The following AKAP13 variants were observed in gnomAD, a reference collection of about 807,000 sequenced individuals.
The protein encoded by AKAP13 is A-kinase anchor protein 13.
A neutral mutation model predicts 264.5 loss-of-function variants in AKAP13; 80 were observed. The ratio of observed to expected loss-of-function variants is 0.30; its 90% confidence interval spans 0.25 to 0.36. The LOEUF (loss-of-function observed/expected upper bound fraction) is 0.36, where lower values mean the gene tolerates loss of function less well. Among genes scored for constraint, AKAP13 ranks in the 10% least tolerant of loss-of-function variants. The pLI is 1.00. For synonymous variants in AKAP13, 1,380 were observed against 1,250.2 expected, an observed-to-expected ratio of 1.10 and a Z score of -2.19; for missense variants, 3,712 against 3,435.2, an observed-to-expected ratio of 1.08 and a Z score of -2.01.
At chr15:85,621,662 T>C (rs1450506064) in intron 8 of AKAP13, 1 of 152,208 alleles carries the variant, frequency 6.6e-6, no homozygotes, top group Non-Finnish European at 1.5e-5. Context: ...TACAGGCTTA[T>C]TGGCCTCAGA....
chr15:85,380,837 T>G (rs1454285558), intron 1 of AKAP13, 39 bp downstream of exon 1: 1 of 151,906 alleles, frequency 6.6e-6, no homozygotes, highest in East Asian at 1.9e-4. Context: ...GGGGGAAGTT[T>G]TGTGATTTGT....
intron 2 of AKAP13, among the ~76,000 whole-genome samples, chr15:85,502,337 A>G (rs1467364127): frequency 6.6e-6 from 1 of 152,210 alleles, no homozygotes; most frequent in Non-Finnish European, 1.5e-5. Context: ...TGACAGCAAT[A>G]TTTGGCAATT....
intron 1 of AKAP13, among the ~76,000 whole-genome samples, chr15:85,433,124 T>G (rs1198992179): frequency 8.6e-6 from 1 of 116,676 alleles, no homozygotes; most frequent in Non-Finnish European, 1.9e-5. Flanking sequence ...ACAGTTTTTT[T>G]TTTTTTTTTT....
chr15:85,527,603 T>C (rs2077114216), intron 3 of AKAP13, among the ~76,000 whole-genome samples: 1 of 152,242 alleles, frequency 6.6e-6, no homozygotes, highest in African/African-American at 2.4e-5. Flanking sequence ...AAATCTCTCC[T>C]TCCTCCTCTA....
chr15:85,462,791 G>A (rs1351461192), intron 1 of AKAP13, among the ~76,000 whole-genome samples: 3 of 151,934 alleles, frequency 2.0e-5, no homozygotes, highest in African/African-American at 4.8e-5. Context: ...TTGGGAGGCC[G>A]AGGCGGGCGG....
At chr15:85,650,043 A>C (rs1246624842) in intron 10 of AKAP13, among the ~76,000 whole-genome samples, 1 of 152,200 alleles carries the variant, frequency 6.6e-6, no homozygotes, top group African/African-American at 2.4e-5. Flanking sequence ...CCTAAAGGGA[A>C]CATCCTTCTT....
chr15:85,412,920 A>G (rs749716958), intron 1 of AKAP13, among the ~76,000 whole-genome samples: 1 of 152,234 alleles, frequency 6.6e-6, no homozygotes. Flanking sequence ...TGCAACGTAT[A>G]TATTACCTTA....
chr15:85,627,834 T>A (rs143758393), intron 8 of AKAP13: 1 of 152,408 alleles, frequency 6.6e-6, no homozygotes, highest in Non-Finnish European at 1.5e-5. Flanking sequence ...CGTGAAAGGC[T>A]ATGAAGTCCA....
intron 1 of AKAP13, among the ~76,000 whole-genome samples, chr15:85,434,609 C>T (rs1489924779): frequency 7.0e-4 from 105 of 150,922 alleles, no homozygotes; most frequent in East Asian, 7.8e-4. Context: ...TCTCCCAGCA[C>T]GCAGCTGGAG....
chr15:85,634,738 T>A (rs2151460046), intron 8 of AKAP13, among the ~76,000 whole-genome samples: 1 of 152,268 alleles, frequency 6.6e-6, no homozygotes, highest in East Asian at 1.9e-4. Flanking sequence ...AGTCTTCTCC[T>A]TCATTCTCTG....
chr15:85,678,718 A>T (rs1206590240), intron 14 of AKAP13, among the ~76,000 whole-genome samples: 1 of 151,936 alleles, frequency 6.6e-6, no homozygotes, highest in African/African-American at 2.4e-5. Flanking sequence ...CAAACAAACA[A>T]ATTAGCTGGG....
At chr15:85,519,951 C>T (rs971169426) in intron 2 of AKAP13, among the ~76,000 whole-genome samples, 4 of 152,106 alleles carry the variant, frequency 2.6e-5, no homozygotes, top group African/African-American at 4.8e-5. Context: ...TGAGAATTTA[C>T]TCCCCTAATT....
intron 10 of AKAP13, among the ~76,000 whole-genome samples, chr15:85,650,788 A>AAAC (rs1555455271): frequency 0.019 from 2,339 of 124,748 alleles, 16 homozygotes; most frequent in Middle Eastern, 0.031. Context: ...AAAAAAAAAA[A>AAAC]AACAACAAAA....
chr15:85,567,653 T>C (rs1012546973), intron 5 of AKAP13, among the ~76,000 whole-genome samples: 1 of 152,182 alleles, frequency 6.6e-6, no homozygotes, highest in African/African-American at 2.4e-5. Context: ...TCCTCTTCTG[T>C]GTGCATGTCC....
intron 5 of AKAP13, among the ~76,000 whole-genome samples, chr15:85,546,722 A>G (rs1041146527): frequency 1.3e-5 from 2 of 151,620 alleles, no homozygotes; most frequent in South Asian, 2.1e-4. Context: ...GCCACAATGT[A>G]TGATGCTATC....
intron 8 of AKAP13, among the ~76,000 whole-genome samples, chr15:85,595,797 G>A (rs566606686): frequency 2.4e-4 from 36 of 152,282 alleles, no homozygotes; most frequent in Middle Eastern, 3.4e-3. Flanking sequence ...AGTTTGCAAG[G>A]TAACTGATCT....
chr15:85,552,300 C>G (rs1255970923), intron 5 of AKAP13, among the ~76,000 whole-genome samples: 1 of 152,148 alleles, frequency 6.6e-6, no homozygotes, highest in African/African-American at 2.4e-5. Flanking sequence ...TCTAGTTGAA[C>G]TACAGACAGT....
chr15:85,605,453 C>G (rs1351213034), intron 8 of AKAP13, among the ~76,000 whole-genome samples: 1 of 152,128 alleles, frequency 6.6e-6, no homozygotes, highest in Non-Finnish European at 1.5e-5. Context: ...AGGGAAACAA[C>G]ACACACTGGG....
intron 17 of AKAP13, among the ~76,000 whole-genome samples, chr15:85,695,049 G>C (rs1298236849): frequency 3.3e-5 from 5 of 151,916 alleles, no homozygotes; most frequent in African/African-American, 9.7e-5. Context: ...GGCTCAGCCA[G>C]CCTCCTGAGT....
Sources: gnomAD v4.1 joint callset for allele counts (sites outside exome capture counted in the v4.1 genomes callset) on GRCh38, gnomAD v4.1.1 for gene constraint, MANE v1.5 for transcripts, NCBI Gene and HGNC (gene_info 2026-07-23, HGNC 2026-07-21) for gene names.